PTPRD: variants seen among roughly 807,000 people sequenced by gnomAD.
The protein encoded by PTPRD is receptor-type tyrosine-protein phosphatase delta.
PTPRD carries 34 observed loss-of-function variants against 214.5 expected under a neutral mutation model. The ratio of observed to expected loss-of-function variants is 0.16; its 90% CI spans 0.12 to 0.21. The LOEUF (loss-of-function observed/expected upper bound fraction) is 0.21. Ranked by LOEUF, PTPRD falls within the 10% of genes least tolerant of loss-of-function variation. PTPRD has a pLI of 1.00. For synonymous variants in PTPRD, 1,128 were observed against 845.7 expected, an observed-to-expected ratio of 1.33 and a Z score of -5.79; for missense variants, 2,545 against 2,398.7, an observed-to-expected ratio of 1.06 and a Z score of -1.27.
intron 5 of PTPRD, among the ~76,000 whole-genome samples, chr9:9,900,641 G>GTGTTTTTTTTTTTTTTTTTTT (rs1555302232): frequency 2.5e-5 from 3 of 120,086 alleles, no homozygotes; most frequent in African/African-American, 9.4e-5. Context: ...ACATTTTCAG[G>GTGTTTTTTTTTTTTTTTTTTT]TTTTTTTTTT....
intron 9 of PTPRD, among the ~76,000 whole-genome samples, chr9:9,362,763 G>C (rs1278764230): frequency 6.6e-6 from 1 of 151,216 alleles, no homozygotes; most frequent in African/African-American, 2.4e-5. Context: ...TTCCTTGATA[G>C]AATAGCAAAT....
intron 2 of PTPRD, among the ~76,000 whole-genome samples, chr9:10,498,348 G>C (rs1244096789): frequency 6.6e-6 from 1 of 151,906 alleles, no homozygotes; most frequent in Non-Finnish European, 1.5e-5. Context: ...ATTTATAATT[G>C]ATAAGCAATA....
At chr9:10,433,515 T>C (rs889852541) in intron 2 of PTPRD, among the ~76,000 whole-genome samples, 1 of 151,986 alleles carries the variant, frequency 6.6e-6, no homozygotes, top group Non-Finnish European at 1.5e-5. Context: ...TACAGCATTA[T>C]TATTCTGATT....
intron 5 of PTPRD, among the ~76,000 whole-genome samples, chr9:9,849,078 C>T (rs1565745476): frequency 1.3e-5 from 2 of 151,676 alleles, no homozygotes; most frequent in African/African-American, 4.8e-5. Flanking sequence ...CTGTTTTACC[C>T]TATGTTTTTA....
chr9:9,963,920 T>G (rs2094514507), intron 4 of PTPRD, among the ~76,000 whole-genome samples: 1 of 152,190 alleles, frequency 6.6e-6, no homozygotes. Flanking sequence ...TGATTCTACT[T>G]GCTCCATGGA....
chr9:9,271,603 T>C (rs1942966248), intron 9 of PTPRD, among the ~76,000 whole-genome samples: 1 of 151,348 alleles, frequency 6.6e-6, no homozygotes, highest in African/African-American at 2.4e-5. Flanking sequence ...GGATAGCAAG[T>C]AGTAGTTAAA....
chr9:10,490,854 C>T (rs147972270), intron 2 of PTPRD, among the ~76,000 whole-genome samples: 7 of 152,098 alleles, frequency 4.6e-5, no homozygotes, highest in South Asian at 2.1e-4. Flanking sequence ...TTTTGCTTTG[C>T]GCCTTTTAAA....
At chr9:9,557,905 T>TA (rs1169472263) in intron 8 of PTPRD, among the ~76,000 whole-genome samples, 1 of 152,184 alleles carries the variant, frequency 6.6e-6, no homozygotes, top group Middle Eastern at 3.2e-3. Context: ...GCAGCTCTCT[T>TA]ACACAGCTTA....
intron 7 of PTPRD, among the ~76,000 whole-genome samples, chr9:9,713,119 G>A (rs1274323121): frequency 7.2e-6 from 1 of 139,376 alleles, no homozygotes; most frequent in East Asian, 1.9e-4. Context: ...CTATTGCACT[G>A]ATATCCACCT....
intron 9 of PTPRD, among the ~76,000 whole-genome samples, chr9:9,284,134 C>A (rs1948645461): frequency 6.6e-6 from 1 of 151,600 alleles, no homozygotes; most frequent in Admixed American, 6.6e-5. Flanking sequence ...GAACTACATA[C>A]TTAATTTAAT....
intron 2 of PTPRD, among the ~76,000 whole-genome samples, chr9:10,351,728 A>T (rs1474172417): frequency 1.3e-5 from 2 of 151,950 alleles, no homozygotes; most frequent in African/African-American, 4.8e-5. Flanking sequence ...ACTAGAAAAA[A>T]AAATGTAAAC....
intron 4 of PTPRD, among the ~76,000 whole-genome samples, chr9:9,939,617 T>C (rs974577332): frequency 6.6e-6 from 1 of 152,188 alleles, no homozygotes; most frequent in African/African-American, 2.4e-5. Flanking sequence ...TACTTGGTAT[T>C]AATTGCTTGC....
chr9:10,415,046 T>C (rs1358775722), intron 2 of PTPRD, among the ~76,000 whole-genome samples: 1 of 151,516 alleles, frequency 6.6e-6, no homozygotes, highest in African/African-American at 2.4e-5. Context: ...GCGACACGAG[T>C]TTACCTACAT....
At chr9:9,379,222 G>C (rs948051977) in intron 9 of PTPRD, among the ~76,000 whole-genome samples, 1 of 146,886 alleles carries the variant, frequency 6.8e-6, no homozygotes, top group Non-Finnish European at 1.5e-5. Context: ...ATATATATTT[G>C]ATATATTTTA....
At chr9:8,425,981 T>A (rs2094638878) in intron 35 of PTPRD, among the ~76,000 whole-genome samples, 1 of 152,198 alleles carries the variant, frequency 6.6e-6, no homozygotes, top group South Asian at 2.1e-4. Context: ...TTACCCTCCA[T>A]CCTTGTCACC....
intron 8 of PTPRD, among the ~76,000 whole-genome samples, chr9:9,540,490 G>C (rs902072479): frequency 6.6e-6 from 1 of 151,700 alleles, no homozygotes; most frequent in African/African-American, 2.4e-5. Context: ...TGAAATAGGA[G>C]TACCAAAAAT....
chr9:9,566,724 T>C (rs1002952227), intron 8 of PTPRD, among the ~76,000 whole-genome samples: 1 of 152,224 alleles, frequency 6.6e-6, no homozygotes, highest in Non-Finnish European at 1.5e-5. Flanking sequence ...TTATATTTCA[T>C]AGATCATCCT....
At chr9:9,675,053 T>G (rs1475698766) in intron 7 of PTPRD, among the ~76,000 whole-genome samples, 3 of 151,880 alleles carry the variant, frequency 2.0e-5, no homozygotes, top group African/African-American at 7.2e-5. Flanking sequence ...TATTCAAAAT[T>G]TATAAAACCT....
At chr9:9,591,027 C>A (rs977890242) in intron 7 of PTPRD, among the ~76,000 whole-genome samples, 2 of 151,950 alleles carry the variant, frequency 1.3e-5, no homozygotes, top group African/African-American at 4.8e-5. Context: ...GGTGTCCGTG[C>A]CTTAATCCCT....
Sources: gnomAD v4.1 joint callset for allele counts (sites outside exome capture counted in the v4.1 genomes callset) on GRCh38, gnomAD v4.1.1 for gene constraint, MANE v1.5 for transcripts, NCBI Gene and HGNC (gene_info 2026-07-23, HGNC 2026-07-21) for gene names.